The following APOL3 variants were observed in gnomAD, a reference collection of about 807,000 sequenced individuals.
APOL3 encodes the protein TNF-inducible protein CG12-1.
A neutral mutation model predicts 11.6 loss-of-function variants in APOL3; 14 were observed. The ratio of observed to expected loss-of-function variants is 1.21; its 90% CI spans 0.80 to 1.89. APOL3 has a LOEUF of 1.89. APOL3 is among the 40% of genes most tolerant of loss of function. The pLI, the probability that APOL3 is intolerant of heterozygous loss-of-function variation, is 0.00. For missense variants in APOL3, 483 were observed against 492.1 expected (o/e 0.98, Z 0.17); for synonymous variants, 192 against 190.6 (o/e 1.01, Z -0.06).
Position 36,141,950 on chromosome 22 carries a change from C to G in APOL3, c.459G>C (p.Leu153Phe), listed in dbSNP as rs1453603644. 1.2e-6 allele frequency: 2 copies of G among 1,614,096 alleles called. 1 individual carries two copies. The highest frequency in any genetic ancestry group is 2.2e-5 in the South Asian group (2 of 91,084). ...TCCTCTTGACTTGGGGAAACTCTTT[C>G]AAAAACCATTCCCTAAACTGCTCAT... The change falls in exon 3 of 3, where the codon TTG (leucine) becomes TTC (phenylalanine). Residue 153 changes from leucine to phenylalanine, a missense_variant. Physicochemically the swap from Leu to Phe is conservative, Grantham distance 22 (BLOSUM62 0). Transcript: ENST00000349314.
intron 2 of APOL3, among the ~76,000 whole-genome samples, chr22:36,143,683 C>A (rs937793082): frequency 6.6e-6 from 1 of 152,214 alleles, no homozygotes; most frequent in Non-Finnish European, 1.5e-5. Context: ...CCTGGCTGCA[C>A]ATGAACTCTC....
chr22:36,149,136 C>T (rs1466548351), intron 1 of APOL3: 2 of 1,366,814 alleles, frequency 1.5e-6, no homozygotes. Flanking sequence ...CGTTTTTTTT[C>T]TTAACCCTTG....
rs182482926 is a variant in APOL3 at position 36,151,118 on chromosome 22, C to T, written c.224-5519G>A. 6.0e-4 allele frequency among the ~76,000 whole-genome samples: 91 copies of T among 152,210 alleles called. 3 individuals are homozygous for T. Among genetic ancestry groups the T allele is most frequent in the Admixed American group, 4.8e-3 (73 of 15,284 alleles). On this transcript the variant is annotated intron_variant, in intron 1 of 2. Transcript: ENST00000349314. ...CGACCCATACAGGATTCACAGTAGC[C>T]GTGAGTCTACACCAATGGAAAAAAT... is the stretch of plus-strand genomic sequence containing the variant.
At chr22:36,144,863 T>C (rs1204477237) in intron 2 of APOL3, among the ~76,000 whole-genome samples, 1 of 150,710 alleles carries the variant, frequency 6.6e-6, no homozygotes, top group Non-Finnish European at 1.5e-5. Flanking sequence ...CAAAAAAAAA[T>C]AGCCGGATGC....
intron 2 of APOL3, among the ~76,000 whole-genome samples, chr22:36,144,853 C>CA (rs1019653298): frequency 2.0e-4 from 30 of 150,414 alleles, no homozygotes; most frequent in African/African-American, 4.2e-4. Flanking sequence ...ACTAAAAATA[C>CA]AAAAAAAAAT....
At chr22:36,157,701 C>T (rs1322647698) in intron 1 of APOL3, among the ~76,000 whole-genome samples, 1 of 152,192 alleles carries the variant, frequency 6.6e-6, no homozygotes, top group Non-Finnish European at 1.5e-5. Flanking sequence ...GCAAAGGTAA[C>T]TGTCCACAAT....
At chr22:36,155,222 C>T (rs1233350398) in intron 1 of APOL3, among the ~76,000 whole-genome samples, 1 of 152,168 alleles carries the variant, frequency 6.6e-6, no homozygotes, top group African/African-American at 2.4e-5. Context: ...CCAAGCAGGC[C>T]CCTATCTCTT....
intron 1 of APOL3, chr22:36,155,678 C>T (rs574834642): frequency 2.0e-4 from 32 of 162,530 alleles, no homozygotes; most frequent in Admixed American, 1.1e-3. Context: ...GGAGCCAGCA[C>T]AGAGCAGAGG....
At chr22:36,146,691 A>G (rs1280617051) in intron 1 of APOL3, among the ~76,000 whole-genome samples, 1 of 152,138 alleles carries the variant, frequency 6.6e-6, no homozygotes, top group Non-Finnish European at 1.5e-5. Context: ...GACCACTCCC[A>G]CACTGGTCAA....
upstream of APOL3, among the ~76,000 whole-genome samples, chr22:36,163,850 C>A (rs1016349018): frequency 6.6e-6 from 1 of 152,238 alleles, no homozygotes; most frequent in South Asian, 2.1e-4. Flanking sequence ...CAGACAAATA[C>A]ACTTGTGAGA....
chr22:36,149,073 C>A lies in APOL3; in HGVS notation c.224-3474G>T. The A allele has an allele frequency of 2.2e-6, 3 of 1,368,360 alleles. No homozygotes were observed. In the South Asian group the frequency reaches 3.4e-5, roughly 15 times the overall value. The allele number at this position is 1,368,360 out of a possible 1,614,324, so 84.8% of individuals were successfully genotyped here. A position where few individuals can be genotyped will look rare whatever the true frequency, so the allele number is the denominator to read the frequency against. The stretch of plus-strand genomic sequence containing the variant: ...GAGTCCATGGTGCCAGCAGCCAGGT[C>A]ACTGAGAGACTTTCCATGGAGCTCT... On this transcript the variant is annotated intron_variant, in intron 1 of 2. Coordinates refer to ENST00000349314, the Ensembl canonical transcript of APOL3.
At chr22:36,145,722 A>C (rs770244735) in intron 1 of APOL3, 123 bp from the exon 3 acceptor site, 1 of 1,227,684 alleles carries the variant, frequency 8.1e-7, no homozygotes, top group Non-Finnish European at 1.1e-6. Flanking sequence ...TTTTTGATGG[A>C]GGCATCAGTG....
chr22:36,149,836 T>C, intron 1 of APOL3: 2 of 456,314 alleles, frequency 4.4e-6, no homozygotes, highest in South Asian at 1.5e-5. Flanking sequence ...AGTGTCTGTC[T>C]TGGTGAATTC....
chr22:36,142,628 T>C (rs1290758851), intron 2 of APOL3, among the ~76,000 whole-genome samples: 1 of 152,168 alleles, frequency 6.6e-6, no homozygotes, highest in Non-Finnish European at 1.5e-5. Context: ...GGCTATTACG[T>C]ATCTTTTCTG....
chr22:36,164,693 C>G (rs368965864), upstream of APOL3: 1 of 152,214 alleles, frequency 6.6e-6, no homozygotes, highest in African/African-American at 2.4e-5. Flanking sequence ...CCCTTTTCCC[C>G]AGACCCACAC....
At chr22:36,159,147 C>G (rs2013388237) in intron 1 of APOL3, 1 of 152,254 alleles carries the variant, frequency 6.6e-6, no homozygotes, top group Non-Finnish European at 1.5e-5. Flanking sequence ...TCACCTGGAT[C>G]TGAGAAGCCC....
upstream of APOL3, among the ~76,000 whole-genome samples, chr22:36,164,352 C>T (rs1479576822): frequency 3.3e-5 from 5 of 152,194 alleles, no homozygotes; most frequent in Admixed American, 6.5e-5. Flanking sequence ...GTCGAGCCCA[C>T]AGTCAATTGC....
chr22:36,145,723 G>T, intron 1 of APOL3, 124 bp from the exon 3 acceptor site: 1 of 1,217,580 alleles, frequency 8.2e-7, no homozygotes. Context: ...TTTTGATGGA[G>T]GCATCAGTGC....
chr22:36,160,517 G>C, intron 1 of APOL3, 152 bp downstream of exon 1: 1 of 754,260 alleles, frequency 1.3e-6, no homozygotes, highest in Non-Finnish European at 2.2e-6. Context: ...CTAAAACCTG[G>C]GTGCAAATTC....
Sources: allele counts gnomAD v4.1 joint callset (sites outside exome capture counted in the v4.1 genomes callset), GRCh38; gene constraint gnomAD v4.1.1; transcripts MANE v1.5; gene names NCBI Gene and HGNC (gene_info 2026-07-23, HGNC 2026-07-21).